The following RAB1A variants were observed in gnomAD, a reference collection of about 807,000 sequenced individuals.
RAB1A encodes RAB1A, member RAS oncogene family, also known as ras-related protein Rab-1A.
Under a neutral mutation model 26.0 loss-of-function variants are expected in RAB1A, and 2 were observed. The ratio of observed to expected loss-of-function variants is 0.08; its 90% CI spans 0.03 to 0.24. RAB1A has a LOEUF of 0.24. Among genes scored for constraint, RAB1A ranks in the 10% least tolerant of loss-of-function variants. RAB1A has a pLI of 1.00. For synonymous variants in RAB1A, 84 were observed against 84.9 expected, an observed-to-expected ratio of 0.99 and a Z score of 0.06; for missense variants, 100 against 247.0, an observed-to-expected ratio of 0.40 and a Z score of 3.99.
Position 65,087,813 on chromosome 2 carries a change from T to G in RAB1A, c.*680A>C, listed in dbSNP as rs987287004. ...ACACAAATGGCTGTGTTGAATATAATGCAAGGCTCTATTTCCCTTTAACCA... is the reference window on the plus strand; with the variant it reads ...ACACAAATGGCTGTGTTGAATATAAGGCAAGGCTCTATTTCCCTTTAACCA... On this transcript the variant is annotated 3_prime_UTR_variant, in exon 6 of 6. Coordinates refer to ENST00000409784, the MANE Select transcript of RAB1A (RefSeq NM_004161.5). The G allele has an allele frequency of 6.5e-6, 1 of 152,712 alleles. No individual in the cohort carries two copies. The highest frequency in any genetic ancestry group is 1.5e-5 in the Non-Finnish European group (1 of 68,062). 9.5% of individuals were successfully genotyped at this position (152,712 alleles called of 1,614,324 possible).
chr2:65,090,890 T>C, intron 4 of RAB1A, 93 bp downstream of exon 4: 1 of 718,524 alleles, frequency 1.4e-6, no homozygotes, highest in Non-Finnish European at 2.1e-6. Context: ...TTAATACTGA[T>C]GGCTTATATA....
intron 2 of RAB1A, among the ~76,000 whole-genome samples, chr2:65,100,038 A>C (rs1345389695): frequency 6.6e-6 from 1 of 152,230 alleles, no homozygotes; most frequent in African/African-American, 2.4e-5. Context: ...AAGACTAAGC[A>C]AGAAAACAAC....
At chr2:65,096,412 G>A (rs1015099006) in intron 3 of RAB1A, among the ~76,000 whole-genome samples, 15 of 152,114 alleles carry the variant, frequency 9.9e-5, no homozygotes, top group Admixed American at 5.9e-4. Flanking sequence ...AAAGATGAAA[G>A]ACAGTGTCCT....
intron 3 of RAB1A, 125 bp downstream of exon 3, chr2:65,097,842 ATCTT>A (rs1264719781): frequency 5.7e-6 from 3 of 524,050 alleles, no homozygotes; most frequent in Non-Finnish European, 6.6e-6. Context: ...CTACCATTCT[ATCTT>A]AAGTACATGA....
At position 65,108,143 on chromosome 2, in the gene RAB1A, C is replaced by T. The variant is rs552543096; in HGVS notation, c.24-3337G>A. ...AACGGGGGCCAGGTGCAGTGGATCACCTGAGTTCAGGAGTTCGAGACCAGC... is the reference window on the plus strand; with the variant it reads ...AACGGGGGCCAGGTGCAGTGGATCATCTGAGTTCAGGAGTTCGAGACCAGC... On this transcript the variant is annotated intron_variant, in intron 1 of 5. Coordinates refer to ENST00000409784, the MANE Select transcript of RAB1A (RefSeq NM_004161.5). 9.9e-5 allele frequency among the ~76,000 whole-genome samples: 15 copies of T among 151,716 alleles called. No individual in the cohort carries two copies. In the South Asian group the frequency reaches 1.5e-3, roughly 15 times the overall value.
At chr2:65,111,053 T>C (rs1180048620) in intron 1 of RAB1A, among the ~76,000 whole-genome samples, 1 of 152,118 alleles carries the variant, frequency 6.6e-6, no homozygotes. Context: ...CTGCATGACC[T>C]CACCAAAGTA....
intron 1 of RAB1A, among the ~76,000 whole-genome samples, chr2:65,113,281 T>C (rs940033898): frequency 3.3e-5 from 5 of 152,184 alleles, no homozygotes; most frequent in African/African-American, 1.2e-4. Flanking sequence ...GATCTGAACA[T>C]AGTCTTGATG....
intron 2 of RAB1A, among the ~76,000 whole-genome samples, chr2:65,100,550 AGGAGTTCAAGACCAGCCT>A (rs1361339417): frequency 1.3e-5 from 2 of 152,180 alleles, no homozygotes; most frequent in East Asian, 3.9e-4. Flanking sequence ...ACTTTAGATC[AGGAGTTCAAGACCAGCCT>A]GGCCAACATG....
chr2:65,129,552 A>C (rs1670188526), intron 1 of RAB1A, among the ~76,000 whole-genome samples: 1 of 149,394 alleles, frequency 6.7e-6, no homozygotes, highest in Admixed American at 6.6e-5. Context: ...CCTTAGAGAC[A>C]AGTCCTCCTT....
At chr2:65,119,607 T>G (rs1022243286) in intron 1 of RAB1A, among the ~76,000 whole-genome samples, 1 of 149,570 alleles carries the variant, frequency 6.7e-6, no homozygotes, top group Non-Finnish European at 1.5e-5. Context: ...AAAAACCCTA[T>G]CAGAATGAAT....
intron 2 of RAB1A, among the ~76,000 whole-genome samples, chr2:65,103,452 G>A (rs1051918626): frequency 6.6e-5 from 10 of 152,126 alleles, no homozygotes; most frequent in Admixed American, 5.9e-4. Context: ...GCTTGTTTTT[G>A]TTCCTGTGAG....
intron 3 of RAB1A, among the ~76,000 whole-genome samples, chr2:65,097,698 A>G (rs1012745640): frequency 3.3e-5 from 5 of 152,214 alleles, no homozygotes; most frequent in African/African-American, 9.6e-5. Context: ...TTGAACTTAG[A>G]TTTCCACTGA....
intron 1 of RAB1A, among the ~76,000 whole-genome samples, chr2:65,121,081 T>G (rs1454445320): frequency 6.6e-6 from 1 of 151,060 alleles, no homozygotes; most frequent in African/African-American, 2.4e-5. Context: ...CATAGCGACA[T>G]CTCATCTCTT....
chr2:65,100,825 T>C (rs1425110643), intron 2 of RAB1A, among the ~76,000 whole-genome samples: 1 of 149,182 alleles, frequency 6.7e-6, no homozygotes, highest in Non-Finnish European at 1.5e-5. Flanking sequence ...ATGTAGCACA[T>C]CTATCCCCCA....
chr2:65,094,776 A>G (rs1208928995), intron 3 of RAB1A, among the ~76,000 whole-genome samples: 1 of 152,020 alleles, frequency 6.6e-6, no homozygotes, highest in African/African-American at 2.4e-5. Context: ...CTCATGTGTT[A>G]TATCTCATAC....
chr2:65,088,736 C>T, intron 5 of RAB1A, 46 bp from the exon 6 acceptor site: 1 of 1,475,644 alleles, frequency 6.8e-7, no homozygotes, highest in South Asian at 1.3e-5. Flanking sequence ...ATCTTTTTCA[C>T]TAATTCTTAG....
intron 4 of RAB1A, among the ~76,000 whole-genome samples, chr2:65,090,310 TA>T (rs1350336056): frequency 1.3e-5 from 2 of 152,152 alleles, no homozygotes; most frequent in Non-Finnish European, 2.9e-5. Context: ...AAAAGAAAAA[TA>T]AATTCCAATT....
At chr2:65,097,903 A>T in intron 3 of RAB1A, 68 bp downstream of exon 3, 1 of 880,680 alleles carries the variant, frequency 1.1e-6, no homozygotes, top group Non-Finnish European at 1.7e-6. Context: ...GTAAATATAT[A>T]CAAAATAACA....
intron 1 of RAB1A, among the ~76,000 whole-genome samples, chr2:65,129,545 T>A (rs1182841121): frequency 6.6e-6 from 1 of 151,852 alleles, no homozygotes; most frequent in Non-Finnish European, 1.5e-5. Context: ...CCCCTCCCCT[T>A]AGAGACAAGT....
Sources: allele counts gnomAD v4.1 joint callset (sites outside exome capture counted in the v4.1 genomes callset), GRCh38; gene constraint gnomAD v4.1.1; transcripts MANE v1.5; gene names NCBI Gene and HGNC (gene_info 2026-07-23, HGNC 2026-07-21).